The following PLSCR4 variants were observed in gnomAD, a reference collection of about 807,000 sequenced individuals.
The protein encoded by PLSCR4 is Ca(2+)-dependent phospholipid scramblase 4.
Under a neutral mutation model 36.3 loss-of-function variants are expected in PLSCR4, and 25 were observed. The ratio of observed to expected loss-of-function variants is 0.69; its 90% CI spans 0.50 to 0.96. PLSCR4 has a LOEUF of 0.96. PLSCR4 is among the 40% of genes least tolerant of loss of function. The probability of loss-of-function intolerance (pLI) is 0.00; values close to 1 mark genes in which losing one functional copy is unlikely to be tolerated. For synonymous variants in PLSCR4, 122 were observed against 132.9 expected (o/e 0.92, Z 0.56); for missense variants, 408 against 414.7 (o/e 0.98, Z 0.14).
At chr3:146,228,271 ATG>A (rs2035561303) in intron 1 of PLSCR4, among the ~76,000 whole-genome samples, 2 of 152,364 alleles carry the variant, frequency 1.3e-5, no homozygotes, top group Admixed American at 6.5e-5. Context: ...CCAAGAATAA[ATG>A]TGTGTGTTTA....
At chr3:146,209,121 C>T (rs748382453) in intron 3 of PLSCR4, among the ~76,000 whole-genome samples, 2 of 151,928 alleles carry the variant, frequency 1.3e-5, no homozygotes, top group South Asian at 2.1e-4. Context: ...AACCTGGATG[C>T]GATTGGAGAC....
rs114036562 is a variant in PLSCR4, at chr3:146,244,168, T to C, written c.-22+6792A>G. On this transcript the variant is annotated intron_variant, in intron 1 of 8. Coordinates refer to ENST00000354952, the MANE Select transcript of PLSCR4 (RefSeq NM_020353.3). ...AACCACAGATTGTCCACATGGGTGATTGAGATACTGATACCTTTGCTTTCT... is the reference window on the plus strand; with the variant it reads ...AACCACAGATTGTCCACATGGGTGACTGAGATACTGATACCTTTGCTTTCT... Among the ~76,000 whole-genome samples, 1,338 of 152,292 alleles carry C rather than the reference T, an allele frequency of 8.8e-3. 20 individuals carry two copies. The highest frequency in any genetic ancestry group is 0.031 in the African/African-American group (1,288 of 41,578).
intron 3 of PLSCR4, among the ~76,000 whole-genome samples, chr3:146,211,053 T>C (rs1396881610): frequency 7.6e-6 from 1 of 132,066 alleles, no homozygotes; most frequent in Non-Finnish European, 1.7e-5. Context: ...TGTACAAGTT[T>C]TAGTGTGGAC....
intron 3 of PLSCR4, among the ~76,000 whole-genome samples, chr3:146,214,836 G>T (rs1233660324): frequency 6.6e-6 from 1 of 152,028 alleles, no homozygotes; most frequent in African/African-American, 2.4e-5. Flanking sequence ...TTGATCTTCT[G>T]CTTAGTTGTT....
At chr3:146,204,630 A>G (rs992058099) in intron 4 of PLSCR4, among the ~76,000 whole-genome samples, 2 of 151,976 alleles carry the variant, frequency 1.3e-5, no homozygotes, top group African/African-American at 2.4e-5. Flanking sequence ...TATTCCTAAA[A>G]GGGAAAACTC....
intron 3 of PLSCR4, among the ~76,000 whole-genome samples, chr3:146,218,168 G>A (rs1333591676): frequency 6.6e-6 from 1 of 151,968 alleles, no homozygotes; most frequent in Non-Finnish European, 1.5e-5. Flanking sequence ...AAAAAGTGAA[G>A]GTAAGTATGT....
intron 1 of PLSCR4, among the ~76,000 whole-genome samples, chr3:146,231,994 AC>A (rs2107823928): frequency 6.6e-6 from 1 of 152,290 alleles, no homozygotes; most frequent in South Asian, 2.1e-4. Flanking sequence ...TTTAGGTCTT[AC>A]ATTTAAGTCT....
At chr3:146,241,864 G>A (rs767348838) in intron 1 of PLSCR4, among the ~76,000 whole-genome samples, 2 of 152,124 alleles carry the variant, frequency 1.3e-5, no homozygotes, top group Non-Finnish European at 2.9e-5. Flanking sequence ...CAAGATAACA[G>A]GAAATTCTCT....
chr3:146,230,864 CTTTTT>C (rs914283720), intron 1 of PLSCR4, among the ~76,000 whole-genome samples: 4 of 151,892 alleles, frequency 2.6e-5, no homozygotes, highest in African/African-American at 9.7e-5. Context: ...ATTATTTTTC[CTTTTT>C]TAACTTTTAT....
intron 1 of PLSCR4, among the ~76,000 whole-genome samples, chr3:146,239,242 T>A (rs1338832590): frequency 1.3e-5 from 2 of 152,056 alleles, no homozygotes; most frequent in Non-Finnish European, 1.5e-5. Flanking sequence ...AAAGTTCTTA[T>A]AGAAATAAAA....
At chr3:146,224,526 G>C (rs2035347456) in intron 1 of PLSCR4, among the ~76,000 whole-genome samples, 1 of 149,282 alleles carries the variant, frequency 6.7e-6, no homozygotes, top group African/African-American at 2.6e-5. Flanking sequence ...CTTCCTTCTG[G>C]TGGGTTCGTG....
intron 7 of PLSCR4, 54 bp from the exon 8 acceptor site, chr3:146,195,336 T>TTA: frequency 7.3e-7 from 1 of 1,368,836 alleles, no homozygotes; most frequent in Admixed American, 1.7e-5. Flanking sequence ...GAAGCATGTT[T>TTA]TAATGTTCTG....
At chr3:146,194,883 C>T (rs1009070579) in intron 8 of PLSCR4, among the ~76,000 whole-genome samples, 4 of 152,156 alleles carry the variant, frequency 2.6e-5, no homozygotes, top group African/African-American at 9.7e-5. Flanking sequence ...AAGTACTCCC[C>T]TGGTCATTTT....
chr3:146,197,329 G>C (rs1287635354), intron 6 of PLSCR4, among the ~76,000 whole-genome samples: 1 of 152,126 alleles, frequency 6.6e-6, no homozygotes, highest in African/African-American at 2.4e-5. Context: ...GCTTCTCCAA[G>C]TCAACCTCAG....
At chr3:146,206,423 C>T in intron 4 of PLSCR4, 103 bp downstream of exon 4, 1 of 772,784 alleles carries the variant, frequency 1.3e-6, no homozygotes, top group Non-Finnish European at 2.2e-6. Flanking sequence ...TCTGTCATCA[C>T]TGACCCATCT....
intron 3 of PLSCR4, among the ~76,000 whole-genome samples, chr3:146,218,661 T>C (rs150519254): frequency 1.8e-3 from 273 of 152,308 alleles, no homozygotes; most frequent in African/African-American, 6.1e-3. Context: ...ATAAGAGTTC[T>C]GATTGCTTCT....
chr3:146,238,376 G>C (rs2036004461), intron 1 of PLSCR4, among the ~76,000 whole-genome samples: 1 of 151,782 alleles, frequency 6.6e-6, no homozygotes, highest in African/African-American at 2.4e-5. Flanking sequence ...TAACCATGAA[G>C]AATACTGACA....
chr3:146,203,155 T>C (rs924066596), intron 4 of PLSCR4, among the ~76,000 whole-genome samples: 2 of 152,176 alleles, frequency 1.3e-5, no homozygotes, highest in East Asian at 1.9e-4. Flanking sequence ...TTTGCCCAGA[T>C]CTGTCTGAGA....
intron 1 of PLSCR4, among the ~76,000 whole-genome samples, chr3:146,231,636 C>A (rs2035719530): frequency 6.6e-6 from 1 of 152,060 alleles, no homozygotes. Flanking sequence ...TTTTCTTATG[C>A]CTGTTGACCA....
Sources: gnomAD v4.1 joint callset for allele counts (sites outside exome capture counted in the v4.1 genomes callset) on GRCh38, gnomAD v4.1.1 for gene constraint, MANE v1.5 for transcripts, NCBI Gene and HGNC (gene_info 2026-07-23, HGNC 2026-07-21) for gene names.